Variants in RABGAP1L observed in about 807,000 individuals in gnomAD.
The protein encoded by RABGAP1L is rab GTPase-activating protein 1-like.
Under a neutral mutation model 137.7 loss-of-function variants are expected in RABGAP1L, and 63 were observed. The ratio of observed to expected loss-of-function variants is 0.46; its 90% CI spans 0.37 to 0.56. The LOEUF is 0.56. Ranked by LOEUF, RABGAP1L falls within the 20% of genes least tolerant of loss-of-function variation. The pLI is 0.00. For missense variants in RABGAP1L, 1,095 were observed against 1,244.0 expected (o/e 0.88, Z 1.80); for synonymous variants, 431 against 433.7 (o/e 0.99, Z 0.08).
At chr1:174,645,080 C>T (rs1289183542) in intron 14 of RABGAP1L, among the ~76,000 whole-genome samples, 1 of 151,100 alleles carries the variant, frequency 6.6e-6, no homozygotes, top group Non-Finnish European at 1.5e-5. Context: ...GTTACACAAA[C>T]AAAAAAAAGT....
At chr1:174,557,423 T>C (rs1666948191) in intron 13 of RABGAP1L, among the ~76,000 whole-genome samples, 1 of 152,200 alleles carries the variant, frequency 6.6e-6, no homozygotes, top group African/African-American at 2.4e-5. Context: ...CAGAGTATCC[T>C]CCAGAAATTC....
chr1:174,180,313 C>G (rs542336992), intron 1 of RABGAP1L, among the ~76,000 whole-genome samples: 2 of 152,202 alleles, frequency 1.3e-5, no homozygotes, highest in Non-Finnish European at 1.5e-5. Flanking sequence ...CATTTCTTAG[C>G]ACTCTTTACT....
chr1:174,482,402 G>GT (rs1659196640), intron 13 of RABGAP1L, among the ~76,000 whole-genome samples: 1 of 152,200 alleles, frequency 6.6e-6, no homozygotes, highest in South Asian at 2.1e-4. Flanking sequence ...TTATTACACT[G>GT]TTTTTTGGTT....
chr1:174,610,408 G>A (rs1379711995), intron 13 of RABGAP1L, among the ~76,000 whole-genome samples: 4 of 151,518 alleles, frequency 2.6e-5, no homozygotes, highest in Non-Finnish European at 1.5e-5. Flanking sequence ...TGGCTGCATA[G>A]TATTCCATGG....
intron 13 of RABGAP1L, among the ~76,000 whole-genome samples, chr1:174,475,154 G>A (rs1283052118): frequency 6.6e-6 from 1 of 152,040 alleles, no homozygotes; most frequent in Admixed American, 6.6e-5. Flanking sequence ...CACCTTGGGA[G>A]CCTGTTCAAT....
chr1:174,800,113 A>G (rs1688616251), intron 18 of RABGAP1L: 1 of 1,366,560 alleles, frequency 7.3e-7, no homozygotes, highest in Non-Finnish European at 9.4e-7. Context: ...TTAGATCAGT[A>G]CTTGATTTCA....
At chr1:174,397,888 G>T (rs1648072980) in intron 13 of RABGAP1L, among the ~76,000 whole-genome samples, 1 of 152,110 alleles carries the variant, frequency 6.6e-6, no homozygotes, top group African/African-American at 2.4e-5. Flanking sequence ...ACTTCCTCAG[G>T]TTTGATAATT....
chr1:174,245,761 G>C (rs1311747131), intron 5 of RABGAP1L: 1 of 151,920 alleles, frequency 6.6e-6, no homozygotes, highest in African/African-American at 2.4e-5. Flanking sequence ...TCAGCCTCCT[G>C]AGTAGCTGGG....
intron 11 of RABGAP1L, among the ~76,000 whole-genome samples, chr1:174,355,688 C>T (rs895255446): frequency 6.6e-6 from 1 of 152,026 alleles, no homozygotes; most frequent in Non-Finnish European, 1.5e-5. Context: ...AGATGTTTGA[C>T]TGCCCTAGGT....
At chr1:174,222,513 T>C (rs1669835729) in intron 3 of RABGAP1L, among the ~76,000 whole-genome samples, 1 of 152,216 alleles carries the variant, frequency 6.6e-6, no homozygotes, top group Admixed American at 6.5e-5. Context: ...TATCAGTAGA[T>C]AAAGAACAAG....
At chr1:174,387,212 G>C (rs1016261307) in intron 12 of RABGAP1L, among the ~76,000 whole-genome samples, 2 of 152,086 alleles carry the variant, frequency 1.3e-5, no homozygotes, top group Non-Finnish European at 2.9e-5. Context: ...TTTTTTTCCT[G>C]TAAAACAAGT....
At chr1:174,314,756 G>C (rs575677837) in intron 11 of RABGAP1L, among the ~76,000 whole-genome samples, 2 of 152,000 alleles carry the variant, frequency 1.3e-5, no homozygotes, top group Admixed American at 1.3e-4. Flanking sequence ...CCCACTGGTC[G>C]TTCAGGAGCG....
At chr1:174,555,012 A>C (rs1666785968) in intron 13 of RABGAP1L, among the ~76,000 whole-genome samples, 1 of 108,316 alleles carries the variant, frequency 9.2e-6, no homozygotes, top group African/African-American at 6.4e-5. Context: ...AAGCAAAAGG[A>C]TGGCTCATCT....
intron 3 of RABGAP1L, among the ~76,000 whole-genome samples, chr1:174,223,038 G>A (rs182673349): frequency 1.9e-3 from 282 of 152,040 alleles, no homozygotes; most frequent in Middle Eastern, 3.4e-3. Flanking sequence ...GGGAGGCCAA[G>A]ATGGGCAGGT....
At chr1:174,453,539 AT>A (rs902969184) in intron 13 of RABGAP1L, among the ~76,000 whole-genome samples, 5 of 152,350 alleles carry the variant, frequency 3.3e-5, no homozygotes, top group Admixed American at 3.3e-4. Context: ...AGATAGCATC[AT>A]GTATGTGTAG....
intron 13 of RABGAP1L, among the ~76,000 whole-genome samples, chr1:174,636,547 A>G (rs1674058104): frequency 6.7e-6 from 1 of 150,240 alleles, no homozygotes; most frequent in Non-Finnish European, 1.5e-5. Context: ...AAAAAAAGAG[A>G]TCATCTTAAT....
At chr1:174,729,145 C>T (rs977571608) in intron 17 of RABGAP1L, among the ~76,000 whole-genome samples, 1 of 152,060 alleles carries the variant, frequency 6.6e-6, no homozygotes, top group Non-Finnish European at 1.5e-5. Context: ...ACCAAAGGAA[C>T]AGAATAGAGA....
intron 11 of RABGAP1L, among the ~76,000 whole-genome samples, chr1:174,362,053 C>T (rs550483400): frequency 5.9e-5 from 9 of 152,248 alleles, no homozygotes; most frequent in East Asian, 1.9e-4. Context: ...TCTGTTCCTG[C>T]GTTAGTTTGC....
intron 13 of RABGAP1L, among the ~76,000 whole-genome samples, chr1:174,558,772 T>C (rs1230457541): frequency 1.3e-5 from 2 of 152,212 alleles, no homozygotes; most frequent in African/African-American, 4.8e-5. Flanking sequence ...GTGGGCATTA[T>C]ATGAGGCTAG....
Sources: allele counts gnomAD v4.1 joint callset (sites outside exome capture counted in the v4.1 genomes callset), GRCh38; gene constraint gnomAD v4.1.1; transcripts MANE v1.5; gene names NCBI Gene and HGNC (gene_info 2026-07-23, HGNC 2026-07-21).